Variants in PDE1C observed in about 807,000 individuals in gnomAD.
PDE1C encodes phosphodiesterase 1C, also known as dual specificity calcium/calmodulin-dependent 3',5'-cyclic nucleotide phosphodiesterase 1C.
Under a neutral mutation model 93.1 loss-of-function variants are expected in PDE1C, and 62 were observed. The ratio of observed to expected loss-of-function variants is 0.67; its 90% CI spans 0.54 to 0.82. PDE1C has a LOEUF of 0.82. PDE1C is among the 40% of genes least tolerant of loss of function. The pLI, the probability that PDE1C is intolerant of heterozygous loss-of-function variation, is 0.00. For synonymous variants in PDE1C, 325 were observed against 310.1 expected, an observed-to-expected ratio of 1.05 and a Z score of -0.50; for missense variants, 742 against 884.6, an observed-to-expected ratio of 0.84 and a Z score of 2.04.
At chr7:31,865,639 T>C (rs1795202233) in intron 6 of PDE1C, among the ~76,000 whole-genome samples, 1 of 152,208 alleles carries the variant, frequency 6.6e-6, no homozygotes. Flanking sequence ...TCCAAGTCAC[T>C]AACAATAAAT....
At chr7:31,770,950 T>C (rs1795453050) in intron 17 of PDE1C, among the ~76,000 whole-genome samples, 1 of 152,236 alleles carries the variant, frequency 6.6e-6, no homozygotes, top group African/African-American at 2.4e-5. Context: ...TATCAACTGA[T>C]AGTTTTCTCT....
At chr7:32,143,739 CCT>C (rs1242302167) in intron 3 of PDE1C, among the ~76,000 whole-genome samples, 1 of 152,056 alleles carries the variant, frequency 6.6e-6, no homozygotes, top group Admixed American at 6.6e-5. Flanking sequence ...TTTTATTTGT[CCT>C]CTTTTTCTGC....
At chr7:31,674,811 TAGA>T in the PDE1C span, among the ~76,000 whole-genome samples, 1 of 152,224 alleles carries the variant, frequency 6.6e-6, no homozygotes, top group African/African-American at 2.4e-5. Context: ...GTGAAAGTTT[TAGA>T]AGATGTGCTA....
chr7:32,092,652 A>G (rs1797533814), intron 3 of PDE1C, among the ~76,000 whole-genome samples: 1 of 152,218 alleles, frequency 6.6e-6, no homozygotes, highest in African/African-American at 2.4e-5. Flanking sequence ...GTTAAAGCAG[A>G]AATTACCAAA....
the PDE1C span, chr7:31,642,854 A>T: frequency 1.2e-6 from 2 of 1,614,050 alleles, no homozygotes; most frequent in Non-Finnish European, 1.7e-6. Flanking sequence ...GCCTTGGAAC[A>T]AAGGGCCTCA....
chr7:32,369,511 A>G (rs1784286497), intron 1 of PDE1C, among the ~76,000 whole-genome samples: 1 of 152,208 alleles, frequency 6.6e-6, no homozygotes, highest in Non-Finnish European at 1.5e-5. Flanking sequence ...GGATGTGGAG[A>G]AAAGGGAACT....
At chr7:32,255,987 AG>A (rs1051411218) in intron 1 of PDE1C, among the ~76,000 whole-genome samples, 1 of 152,232 alleles carries the variant, frequency 6.6e-6, no homozygotes, top group East Asian at 1.9e-4. Flanking sequence ...AACTGTGTGC[AG>A]GGGGAGCAGA....
chr7:32,307,910 T>C (rs215615), intron 1 of PDE1C, among the ~76,000 whole-genome samples: 150,252 of 152,304 alleles, frequency 0.99, 74,136 homozygotes, highest in Middle Eastern at 1. Flanking sequence ...GCACTGTGCG[T>C]GAGCCGAAGC....
At chr7:32,312,710 G>A (rs1783073982) in intron 1 of PDE1C, among the ~76,000 whole-genome samples, 1 of 152,182 alleles carries the variant, frequency 6.6e-6, no homozygotes, top group African/African-American at 2.4e-5. Flanking sequence ...TGTGTAGAAA[G>A]CTGAAACTTG....
At chr7:31,991,740 G>A (rs1446245748) in intron 2 of PDE1C, among the ~76,000 whole-genome samples, 1 of 152,184 alleles carries the variant, frequency 6.6e-6, no homozygotes, top group Non-Finnish European at 1.5e-5. Context: ...ATATGCGTAT[G>A]TGTGTGGTAT....
chr7:32,136,675 G>T (rs1470295596), intron 3 of PDE1C, among the ~76,000 whole-genome samples: 1 of 152,096 alleles, frequency 6.6e-6, no homozygotes. Context: ...AGGCAGAAGG[G>T]GCCAAAACAG....
chr7:31,787,205 G>A (rs533381919), intron 16 of PDE1C: 82 of 152,222 alleles, frequency 5.4e-4, no homozygotes, highest in African/African-American at 1.8e-3. Context: ...GAATGAACAC[G>A]TGCACTAGGT....
chr7:31,836,478 G>T (rs1791125383), intron 11 of PDE1C, among the ~76,000 whole-genome samples: 1 of 152,066 alleles, frequency 6.6e-6, no homozygotes, highest in Non-Finnish European at 1.5e-5. Context: ...GGGATTACAG[G>T]CACCCACCAC....
At chr7:32,128,164 TA>T (rs531660379) in intron 3 of PDE1C, among the ~76,000 whole-genome samples, 1 of 136,272 alleles carries the variant, frequency 7.3e-6, no homozygotes, top group Non-Finnish European at 1.7e-5. Flanking sequence ...AACAAGTCAG[TA>T]AAAAAAATTA....
At chr7:32,025,634 G>A (rs1007595247) in intron 2 of PDE1C, among the ~76,000 whole-genome samples, 8 of 152,050 alleles carry the variant, frequency 5.3e-5, no homozygotes, top group Admixed American at 3.3e-4. Context: ...TAAATGAGAC[G>A]AAGAGCTAGG....
chr7:32,415,692 G>A (rs1325380897), intron 1 of PDE1C, among the ~76,000 whole-genome samples: 1 of 150,352 alleles, frequency 6.7e-6, no homozygotes, highest in African/African-American at 2.5e-5. Context: ...AGAACAAAAG[G>A]CTGGCGGTGG....
rs541546831 is a variant in PDE1C at position 32,085,753 on chromosome 7, C to G, written c.308+84032G>C. On this transcript the variant is annotated intron_variant, in intron 3 of 18. Coordinates refer to the PDE1C transcript ENST00000396193. ...TATAAACAGAACCAAAGACAAAAAC[C>G]ACATTATTATCTCAATAGATGCAGA... 1.9e-4 allele frequency among the ~76,000 whole-genome samples: 29 copies of G among 151,870 alleles called. No homozygotes were observed. In the South Asian group the frequency reaches 6.0e-3, roughly 32 times the overall value.
the PDE1C span, among the ~76,000 whole-genome samples, chr7:31,620,818 G>A: frequency 6.6e-6 from 1 of 152,124 alleles, no homozygotes; most frequent in South Asian, 2.1e-4. Context: ...CAAGCTACAG[G>A]AGGAAATTCA....
chr7:31,785,063 T>C (rs1179100513), intron 16 of PDE1C: 1 of 152,198 alleles, frequency 6.6e-6, no homozygotes, highest in Non-Finnish European at 1.5e-5. Flanking sequence ...TCTATAGCCA[T>C]GGGGTTTTAA....
Sources: allele counts gnomAD v4.1 joint callset (sites outside exome capture counted in the v4.1 genomes callset), GRCh38; gene constraint gnomAD v4.1.1; transcripts MANE v1.5; gene names NCBI Gene and HGNC (gene_info 2026-07-23, HGNC 2026-07-21).